Variants in GYG2 observed in about 807,000 individuals in gnomAD.
GYG2 encodes the protein glycogenin-2.
A neutral mutation model predicts 29.4 loss-of-function variants in GYG2; 29 were observed. The ratio of observed to expected loss-of-function variants is 0.99; its 90% CI spans 0.74 to 1.35. The LOEUF is 1.35. Ranked by LOEUF, GYG2 falls within the 40% of genes most tolerant of loss-of-function variation. The pLI is 0.00. For missense variants in GYG2, 370 were observed against 385.7 expected (o/e 0.96, Z 0.34); for synonymous variants, 167 against 172.3 (o/e 0.97, Z 0.24).
chrX:2,846,649 A>G (rs1036582587), intron 3 of GYG2, among the ~76,000 whole-genome samples: 1 of 110,807 alleles, frequency 9.0e-6, no homozygotes, highest in African/African-American at 3.3e-5. Context: ...GGAGGCTGAG[A>G]TGGGAGGATT....
chrX:2,853,426 T>C, intron 3 of GYG2: 1 of 113,253 alleles, frequency 8.8e-6, no homozygotes, highest in Non-Finnish European at 1.9e-5. Context: ...AGGCTGATCT[T>C]GAACTCCTGA....
intron 8 of GYG2, among the ~76,000 whole-genome samples, chrX:2,865,881 T>A (rs755036071): frequency 9.3e-6 from 1 of 107,896 alleles, no homozygotes; most frequent in Non-Finnish European, 1.9e-5. Context: ...CCATCACCAC[T>A]GGGCATTTAT....
intron 8 of GYG2, among the ~76,000 whole-genome samples, chrX:2,873,423 A>C (rs1319486833): frequency 8.9e-6 from 1 of 112,062 alleles, no homozygotes; most frequent in Non-Finnish European, 1.9e-5. Context: ...TAAGGAGTAC[A>C]ATTTGATGCT....
intron 3 of GYG2, 93 bp from the exon 4 acceptor site, chrX:2,853,887 G>T (rs2087920673): frequency 3.3e-6 from 2 of 600,739 alleles, no homozygotes; most frequent in East Asian, 6.5e-5. Flanking sequence ...TTCCACGTTT[G>T]TGAGCAGCAA....
At position 2,861,597 on chromosome X, in the gene GYG2, C is replaced by T; in HGVS notation, c.913C>T (p.Pro305Ser). ...TGGAGAGCCGTGTGAAAATTCAACA[C>T]CCAGTGCGGGCGTGCCGTGTGCAAA... ...GVGEPCENSTPSAGVPCANSP... is the reference protein window; with the variant it reads ...GVGEPCENSTSSAGVPCANSP... Residue 305 changes from proline to serine, a missense_variant, in exon 8 of 11, where the codon CCC becomes TCC. Physicochemically the swap from Pro to Ser is moderately conservative, Grantham distance 74. Transcript: ENST00000398806. 8.3e-7 allele frequency: 1 copy of T among 1,207,070 alleles called. No individual in the cohort carries two copies. The highest frequency in any genetic ancestry group is 1.1e-6 in the Non-Finnish European group (1 of 891,955).
At position 2,843,298 on chromosome X, in the gene GYG2, C is replaced by G; in HGVS notation, c.93C>G (p.His31Gln). Residue 31 changes from histidine (H) to glutamine (Q), a missense_variant, in exon 3 of 11, where the codon CAC becomes CAG. His to Gln is a conservative substitution (Grantham distance 24). Coordinates refer to ENST00000398806, the MANE Select transcript of GYG2 (RefSeq NM_001079855.2). The stretch of plus-strand genomic sequence containing the variant: ...TCCTGGGGCAGTCACTGAGGAGACA[C>G]AGGCTGACGAGGAAGCTGGTGGTGT... ...ALVLGQSLRR[H>Q]RLTRKLVVLI... 1 of 1,195,978 alleles carries G rather than the reference C, an allele frequency of 8.4e-7. No homozygotes were observed. The highest frequency in any genetic ancestry group is 1.1e-6 in the Non-Finnish European group (1 of 882,034).
At chrX:2,852,543 C>T (rs1456520067) in intron 3 of GYG2, among the ~76,000 whole-genome samples, 3 of 111,897 alleles carry the variant, frequency 2.7e-5, no homozygotes, top group South Asian at 3.7e-4. Context: ...TTTCAAGCTT[C>T]GAGTCTCAAA....
At chrX:2,859,278 TATA>T (rs1308371091) in intron 6 of GYG2, among the ~76,000 whole-genome samples, 3 of 57,932 alleles carry the variant, frequency 5.2e-5, no homozygotes, top group Non-Finnish European at 1.4e-4. Context: ...TATTGATTAC[TATA>T]GTAGTGATAG....
rs760214560 is a variant in GYG2, at chrX:2,878,324, T to C, written c.1251+1017T>C. On this transcript the variant is annotated intron_variant, in intron 10 of 10. Coordinates refer to ENST00000398806, the MANE Select transcript of GYG2 (RefSeq NM_001079855.2). ...TTATTATTTAGGGACAGGGTCTTGC[T>C]GTGTAGCCCAGGCTGGAGTGCAGTG... The C allele has an allele frequency of 3.3e-4, 90 of 269,317 alleles. 1 individual carries two copies. Among genetic ancestry groups the C allele is most frequent in the South Asian group, 5.7e-4 (3 of 5,308 alleles). The allele number at this position is 269,317 out of a possible 1,213,427, so 22.2% of individuals were successfully genotyped here.
At chrX:2,830,983 A>G (rs2087250756) in intron 2 of GYG2, among the ~76,000 whole-genome samples, 1 of 112,141 alleles carries the variant, frequency 8.9e-6, no homozygotes, top group Admixed American at 9.4e-5. Context: ...GCTGGCTGGC[A>G]AGAATGGCAG....
chrX:2,861,759 A>G, intron 8 of GYG2, 37 bp downstream of exon 8: 1 of 1,041,076 alleles, frequency 9.6e-7, no homozygotes, highest in South Asian at 2.0e-5. Flanking sequence ...TGATAGTCAG[A>G]CGCTGGCTCG....
intron 2 of GYG2, among the ~76,000 whole-genome samples, chrX:2,840,551 C>G (rs912458181): frequency 9.0e-6 from 1 of 111,653 alleles, no homozygotes; most frequent in African/African-American, 3.3e-5. Flanking sequence ...ACTAAGAAAA[C>G]TATAGATAGA....
At chrX:2,863,229 C>T (rs988101206) in intron 8 of GYG2, among the ~76,000 whole-genome samples, 4 of 109,543 alleles carry the variant, frequency 3.7e-5, no homozygotes, top group Non-Finnish European at 5.7e-5. Context: ...TGCCCGCCAC[C>T]GCGCCCGGCT....
intron 8 of GYG2, among the ~76,000 whole-genome samples, chrX:2,866,435 C>T (rs1363488019): frequency 9.0e-6 from 1 of 111,575 alleles, no homozygotes; most frequent in Non-Finnish European, 1.9e-5. Flanking sequence ...GTCGAGGCTG[C>T]GGTGAGCCGA....
At chrX:2,872,778 C>A (rs1225486627) in intron 8 of GYG2, among the ~76,000 whole-genome samples, 1 of 111,824 alleles carries the variant, frequency 8.9e-6, no homozygotes, top group Non-Finnish European at 1.9e-5. Context: ...CTTCATTTAT[C>A]CATCACAATA....
chrX:2,829,318 AG>A lies in GYG2; in HGVS notation c.-129+345del, dbSNP rs569314595. ...GAGTGCTGGGGAATACAGGCCGTCCAGGCGCGGCGGGGCGCGGGGAGACGGA... is the reference window on the plus strand; with the variant it reads ...GAGTGCTGGGGAATACAGGCCGTCCAGCGCGGCGGGGCGCGGGGAGACGGA... On this transcript the variant is annotated intron_variant, in intron 1 of 10. Coordinates refer to ENST00000398806, the MANE Select transcript of GYG2 (RefSeq NM_001079855.2). 3.8e-4 allele frequency: 26 copies of A among 68,452 alleles called. No individual in the cohort carries two copies. In the South Asian group the frequency reaches 0.017, roughly 45 times the overall value. 5.6% of individuals were successfully genotyped at this position (68,452 alleles called of 1,213,427 possible). A position where few individuals can be genotyped will look rare whatever the true frequency, so the allele number is the denominator to read the frequency against.
chrX:2,880,047 G>A (rs1456278066), intron 10 of GYG2, among the ~76,000 whole-genome samples: 1 of 111,995 alleles, frequency 8.9e-6, no homozygotes, highest in Non-Finnish European at 1.9e-5. Flanking sequence ...AGATGTGTGT[G>A]TGTCTATTAT....
At chrX:2,879,738 A>C (rs1378643570) in intron 10 of GYG2, among the ~76,000 whole-genome samples, 1 of 112,453 alleles carries the variant, frequency 8.9e-6, no homozygotes, top group Non-Finnish European at 1.9e-5. Context: ...GATATTTTAG[A>C]TAAATAGATA....
At chrX:2,854,479 A>G (rs886595681) in intron 4 of GYG2, among the ~76,000 whole-genome samples, 6 of 112,219 alleles carry the variant, frequency 5.3e-5, no homozygotes, top group Non-Finnish European at 1.1e-4. Context: ...GTGCATTTCT[A>G]TTTCTAACAC....
Sources: allele counts gnomAD v4.1 joint callset (sites outside exome capture counted in the v4.1 genomes callset), GRCh38; gene constraint gnomAD v4.1.1; transcripts MANE v1.5; gene names NCBI Gene and HGNC (gene_info 2026-07-23, HGNC 2026-07-21).